LMNTD1: variants seen among roughly 807,000 people sequenced by gnomAD.
LMNTD1 encodes the protein lamin tail domain containing 1.
LMNTD1 carries 35 observed loss-of-function variants against 50.9 expected under a neutral mutation model. The ratio of observed to expected loss-of-function variants is 0.69; its 90% CI spans 0.53 to 0.91. LMNTD1 has a LOEUF of 0.91. LMNTD1 is among the 40% of genes least tolerant of loss of function. LMNTD1 has a pLI of 0.00. For missense variants in LMNTD1, 470 were observed against 475.5 expected, an observed-to-expected ratio of 0.99 and a Z score of 0.11; for synonymous variants, 153 against 161.9, an observed-to-expected ratio of 0.94 and a Z score of 0.42.
At chr12:25,561,964 C>A (rs2136307534) in intron 1 of LMNTD1, among the ~76,000 whole-genome samples, 1 of 152,218 alleles carries the variant, frequency 6.6e-6, no homozygotes, top group Middle Eastern at 3.4e-3. Context: ...GCAACCCCTG[C>A]TGTTTTATGT....
chr12:25,505,028 A>T (rs984708367), intron 8 of LMNTD1, among the ~76,000 whole-genome samples: 4 of 152,206 alleles, frequency 2.6e-5, no homozygotes, highest in Admixed American at 6.5e-5. Flanking sequence ...AAGGTTTTCA[A>T]TTGTACCCTG....
intron 1 of LMNTD1, among the ~76,000 whole-genome samples, chr12:25,647,461 G>A (rs955740000): frequency 1.3e-5 from 2 of 152,186 alleles, no homozygotes; most frequent in African/African-American, 4.8e-5. Context: ...TGGCTCTCCA[G>A]CCTGGGTGAC....
Position 25,612,328 on chromosome 12 carries a change from A to ACACACACACACG in LMNTD1, c.58+36165_58+36166insCGTGTGTGTGTG, listed in dbSNP as rs34069424. On this transcript the variant is annotated intron_variant, in intron 1 of 7. Transcript: ENST00000445693. ...CACACACACACACACACACACACAC[A>ACACACACACACG]CGCGCTCCCACTGTCAACAACACTG... is the stretch of plus-strand genomic sequence containing the variant. Among the ~76,000 whole-genome samples the ACACACACACACG allele has an allele frequency of 2.7e-4, 39 of 146,522 alleles. 1 individual carries two copies. Among genetic ancestry groups the ACACACACACACG allele is most frequent in the African/African-American group, 3.5e-4 (14 of 39,774 alleles).
rs1335627655 is a variant in LMNTD1, at chr12:25,526,127, AT to A, written c.769del (p.Ile257Ter). 4 of 1,607,036 alleles carry A rather than the reference AT, an allele frequency of 2.5e-6. No homozygotes were observed. In the Admixed American group the frequency reaches 5.1e-5, roughly 20 times the overall value. ...ACCGTTCGGTTTGCACAGGATTGTTATACAATCAGGACTTGCTCTAAACTTG... is the reference window on the plus strand; with the variant it reads ...ACCGTTCGGTTTGCACAGGATTGTTAACAATCAGGACTTGCTCTAAACTTG... ...QDKFRASPDC[I>X]TILCKPNGQA... On this transcript the variant is annotated frameshift_variant, in exon 6 of 10. Coordinates refer to ENST00000458174, the MANE Select transcript of LMNTD1 (RefSeq NM_001145728.2). LOFTEE classifies it high-confidence loss of function.
chr12:25,487,715 G>C (rs1377883989), intron 9 of LMNTD1, among the ~76,000 whole-genome samples: 1 of 124,788 alleles, frequency 8.0e-6, no homozygotes, highest in East Asian at 4.1e-4. Flanking sequence ...AGTTGACGCA[G>C]TTTCTTCCTA....
At chr12:25,633,501 C>A (rs1231850721) in intron 1 of LMNTD1, among the ~76,000 whole-genome samples, 1 of 152,110 alleles carries the variant, frequency 6.6e-6, no homozygotes, top group East Asian at 1.9e-4. Context: ...TGGAATACAA[C>A]TGGAAATCAA....
chr12:25,578,228 G>T (rs1945117612), intron 1 of LMNTD1, among the ~76,000 whole-genome samples: 2 of 152,070 alleles, frequency 1.3e-5, no homozygotes, highest in African/African-American at 4.8e-5. Context: ...CTAAAATATA[G>T]CATTTACCCT....
chr12:25,608,619 T>C (rs1419905574), intron 1 of LMNTD1, among the ~76,000 whole-genome samples: 1 of 152,258 alleles, frequency 6.6e-6, no homozygotes, highest in Non-Finnish European at 1.5e-5. Context: ...TATGAAATTC[T>C]GGGTTGAAAA....
Position 25,526,101 on chromosome 12 carries a change from G to C in LMNTD1, c.796C>G (p.Gln266Glu). 6.4e-7 allele frequency: 1 copy of C among 1,562,298 alleles called. No individual in the cohort carries two copies. Among genetic ancestry groups the C allele is most frequent in the Non-Finnish European group, 8.6e-7 (1 of 1,158,042 alleles). The change falls in exon 6 of 10, where the codon CAA (glutamine) becomes GAA (glutamate). Residue 266 changes from glutamine to glutamate, a missense_variant and splice_region_variant. Physicochemically the swap from Gln to Glu is conservative, Grantham distance 29 (BLOSUM62 2). Coordinates refer to ENST00000458174, the MANE Select transcript of LMNTD1 (RefSeq NM_001145728.2). ...ATTGTTAAGAACCAGAAACTAACTT[G>C]ACCGTTCGGTTTGCACAGGATTGTT... ...CITILCKPNG[Q>E]AIAWYTPIHW... is the part of the protein sequence containing the mutation.
intron 8 of LMNTD1, among the ~76,000 whole-genome samples, chr12:25,513,987 C>T (rs1591862650): frequency 6.6e-6 from 1 of 150,692 alleles, no homozygotes; most frequent in African/African-American, 2.4e-5. Context: ...CTCAACATGA[C>T]CTTTAAAATT....
intron 1 of LMNTD1, among the ~76,000 whole-genome samples, chr12:25,639,815 T>C (rs11836772): frequency 0.014 from 2,202 of 152,216 alleles, 65 homozygotes; most frequent in African/African-American, 0.05. Flanking sequence ...ACACAATAAA[T>C]ATAAAAACAC....
intron 8 of LMNTD1, among the ~76,000 whole-genome samples, chr12:25,506,994 C>T (rs1440541477): frequency 6.6e-6 from 1 of 152,164 alleles, no homozygotes; most frequent in African/African-American, 2.4e-5. Context: ...ATTCTTGTGC[C>T]TCGGCCTCCC....
At chr12:25,599,800 G>A (rs1171615776) in intron 1 of LMNTD1, among the ~76,000 whole-genome samples, 1 of 151,742 alleles carries the variant, frequency 6.6e-6, no homozygotes, top group Non-Finnish European at 1.5e-5. Flanking sequence ...AATAGAAGTG[G>A]ACACCAAAAA....
At chr12:25,586,804 A>T (rs1222554131) in intron 1 of LMNTD1, among the ~76,000 whole-genome samples, 1 of 152,232 alleles carries the variant, frequency 6.6e-6, no homozygotes, top group Non-Finnish European at 1.5e-5. Flanking sequence ...ACTGTCAGTC[A>T]AGCCAATCCT....
intron 8 of LMNTD1, among the ~76,000 whole-genome samples, chr12:25,515,054 G>A (rs572788733): frequency 1.4e-4 from 21 of 152,182 alleles, no homozygotes; most frequent in African/African-American, 5.1e-4. Context: ...GTACATGTAG[G>A]AATTTTAGAA....
intron 1 of LMNTD1, among the ~76,000 whole-genome samples, chr12:25,641,379 T>G (rs926913068): frequency 6.6e-6 from 1 of 152,162 alleles, no homozygotes; most frequent in Non-Finnish European, 1.5e-5. Flanking sequence ...GTAAGCTACA[T>G]GCCATGGAAA....
intron 1 of LMNTD1, chr12:25,585,868 A>T (rs974706766): frequency 6.6e-6 from 1 of 152,258 alleles, no homozygotes; most frequent in South Asian, 2.1e-4. Flanking sequence ...AGAATTCTAT[A>T]GCTGAATGAG....
chr12:25,566,554 T>A (rs1398973374), intron 1 of LMNTD1, among the ~76,000 whole-genome samples: 3 of 152,272 alleles, frequency 2.0e-5, no homozygotes, highest in Non-Finnish European at 4.4e-5. Flanking sequence ...CCATAGTGGT[T>A]GTGCTAGTTT....
At chr12:25,584,797 A>T (rs1565502728) in intron 1 of LMNTD1, among the ~76,000 whole-genome samples, 1 of 150,992 alleles carries the variant, frequency 6.6e-6, no homozygotes, top group South Asian at 2.1e-4. Flanking sequence ...GGCCACGTGG[A>T]AAATTTTCAT....
Sources: gnomAD v4.1 joint callset for allele counts (sites outside exome capture counted in the v4.1 genomes callset) on GRCh38, gnomAD v4.1.1 for gene constraint, MANE v1.5 for transcripts, NCBI Gene and HGNC (gene_info 2026-07-23, HGNC 2026-07-21) for gene names.